DDX4: variants seen among roughly 807,000 people sequenced by gnomAD.
DDX4 encodes the protein DEAD-box helicase 4.
A neutral mutation model predicts 100.0 loss-of-function variants in DDX4; 25 were observed. The ratio of observed to expected loss-of-function variants is 0.25; its 90% CI spans 0.18 to 0.35. The LOEUF (loss-of-function observed/expected upper bound fraction) is 0.35, where lower values mean the gene tolerates loss of function less well. DDX4 is among the 10% of genes least tolerant of loss of function. The pLI is 1.00. For synonymous variants in DDX4, 259 were observed against 275.7 expected (o/e 0.94, Z 0.60); for missense variants, 635 against 882.4 (o/e 0.72, Z 3.55).
chr5:55,769,536 A>G (rs999197922), intron 7 of DDX4, among the ~76,000 whole-genome samples: 2 of 152,190 alleles, frequency 1.3e-5, no homozygotes, highest in African/African-American at 2.4e-5. Context: ...GAATTTCAGG[A>G]TACAAAATCA....
chr5:55,793,686 T>C (rs1210668937), intron 17 of DDX4, among the ~76,000 whole-genome samples: 2 of 152,218 alleles, frequency 1.3e-5, no homozygotes, highest in South Asian at 2.1e-4. Context: ...GTGCTTGCTC[T>C]CCTGGATTCC....
chr5:55,795,600 T>C (rs1291645659), intron 17 of DDX4, among the ~76,000 whole-genome samples: 1 of 152,154 alleles, frequency 6.6e-6, no homozygotes, highest in Non-Finnish European at 1.5e-5. Context: ...TGAGACCCTG[T>C]CTCTATAAAA....
At chr5:55,751,566 C>T (rs1759554272) in intron 3 of DDX4, among the ~76,000 whole-genome samples, 1 of 152,214 alleles carries the variant, frequency 6.6e-6, no homozygotes, top group Non-Finnish European at 1.5e-5. Context: ...ATCTGACTGT[C>T]TCTTCATATA....
intron 16 of DDX4, among the ~76,000 whole-genome samples, chr5:55,791,878 G>A (rs568381086): frequency 4.6e-5 from 7 of 152,190 alleles, no homozygotes; most frequent in Non-Finnish European, 4.4e-5. Flanking sequence ...TTGGGAAGCC[G>A]AGGCAGGCAT....
At chr5:55,815,871 A>AAACAATT (rs1251690005) in intron 21 of DDX4, among the ~76,000 whole-genome samples, 13 of 150,696 alleles carry the variant, frequency 8.6e-5, no homozygotes, top group Admixed American at 2.0e-4. Context: ...TCCCAGGTTC[A>AAACAATT]AACAATTCTC....
chr5:55,762,685 A>G (rs970072390), intron 4 of DDX4, among the ~76,000 whole-genome samples: 22 of 152,182 alleles, frequency 1.4e-4, no homozygotes, highest in African/African-American at 5.3e-4. Flanking sequence ...TGGGGAGGCC[A>G]GGAGGGGAGT....
chr5:55,797,346 T>C (rs1258272291), intron 17 of DDX4, among the ~76,000 whole-genome samples: 1 of 152,210 alleles, frequency 6.6e-6, no homozygotes, highest in Non-Finnish European at 1.5e-5. Context: ...AACACCATCA[T>C]GTTCATCTTT....
chr5:55,753,831 A>C (rs1415556241), intron 3 of DDX4, among the ~76,000 whole-genome samples: 2 of 129,718 alleles, frequency 1.5e-5, no homozygotes, highest in African/African-American at 5.9e-5. Context: ...ATTTGTTTGT[A>C]TCCTCTTTTA....
chr5:55,741,491 T>A (rs1358122519), intron 2 of DDX4, among the ~76,000 whole-genome samples: 2 of 152,098 alleles, frequency 1.3e-5, no homozygotes, highest in African/African-American at 4.8e-5. Context: ...CTAGGTTGAA[T>A]AAAAAGTGCA....
At chr5:55,815,945 T>G (rs1386228128) in intron 21 of DDX4, among the ~76,000 whole-genome samples, 1 of 148,496 alleles carries the variant, frequency 6.7e-6, no homozygotes, top group Non-Finnish European at 1.5e-5. Context: ...TGGTTTTTTT[T>G]TTTTTTTTTT....
chr5:55,783,661 G>GGAT (rs781260727), intron 10 of DDX4, among the ~76,000 whole-genome samples: 1 of 136,954 alleles, frequency 7.3e-6, no homozygotes, highest in African/African-American at 2.7e-5. Flanking sequence ...ATGGATGGAT[G>GGAT]GATGGATGGA....
At chr5:55,805,296 C>T (rs1160766430) in intron 18 of DDX4, among the ~76,000 whole-genome samples, 1 of 151,954 alleles carries the variant, frequency 6.6e-6, no homozygotes, top group East Asian at 1.9e-4. Context: ...TCCTCTTTTC[C>T]TAATTGAATA....
rs147228371 is a variant in DDX4, at chr5:55,787,085, G to A, written c.1017+415G>A. 9.1e-4 allele frequency among the ~76,000 whole-genome samples: 138 copies of A among 152,196 alleles called. No homozygotes were observed. The Middle Eastern group carries it at 0.01, about 11-fold the overall frequency. ...ATTCCTTAGTATTCAGTGACCTCAGGTTATGCTAATTATAAAAGAAGTCTG... is the reference window on the plus strand; with the variant it reads ...ATTCCTTAGTATTCAGTGACCTCAGATTATGCTAATTATAAAAGAAGTCTG... On this transcript the variant is annotated intron_variant, in intron 14 of 21. Coordinates refer to ENST00000505374, the MANE Select transcript of DDX4 (RefSeq NM_024415.3).
intron 16 of DDX4, 34 bp from the exon 17 acceptor site, chr5:55,792,607 A>G (rs1005879104): frequency 1.7e-6 from 2 of 1,206,098 alleles, no homozygotes; most frequent in Non-Finnish European, 2.2e-6. Flanking sequence ...ACTAATATGC[A>G]TTTTCTGTTT....
At chr5:55,789,050 C>T (rs1372412847) in intron 15 of DDX4, among the ~76,000 whole-genome samples, 2 of 152,038 alleles carry the variant, frequency 1.3e-5, no homozygotes, top group African/African-American at 4.8e-5. Context: ...GACAGTGAGA[C>T]CTTGACTTAT....
intron 18 of DDX4, among the ~76,000 whole-genome samples, chr5:55,803,352 T>C (rs1411074599): frequency 6.6e-6 from 1 of 150,784 alleles, no homozygotes; most frequent in Non-Finnish European, 1.5e-5. Flanking sequence ...TACTTTAAGT[T>C]TTAGGGTACA....
rs1465948060 is a variant in DDX4 at position 55,767,797 on chromosome 5, T to C, written c.335-84T>C. ...TGAAAATATTTTGTCTTCTTACTAA[T>C]TTATCTTGTGACAGTGCTATTCTTT... On this transcript the variant is annotated intron_variant, in intron 6 of 21. Transcript: ENST00000505374. 1.6e-5 allele frequency: 15 copies of C among 949,566 alleles called. No individual in the cohort carries two copies. In the East Asian group the frequency reaches 3.8e-4, roughly 24 times the overall value. The allele number at this position is 949,566 out of a possible 1,614,324, so 58.8% of individuals were successfully genotyped here.
intron 18 of DDX4, among the ~76,000 whole-genome samples, chr5:55,809,258 G>A (rs201210329): frequency 9.1e-4 from 138 of 152,276 alleles, no homozygotes; most frequent in East Asian, 2.9e-3. Context: ...GACCCCTTGC[G>A]CTTCCCAGGT....
chr5:55,811,054 C>A, intron 18 of DDX4, among the ~76,000 whole-genome samples: 1 of 147,270 alleles, frequency 6.8e-6, no homozygotes. Flanking sequence ...CTAATAAAGT[C>A]AACAGAATCT....
Sources: gnomAD v4.1 joint callset for allele counts (sites outside exome capture counted in the v4.1 genomes callset) on GRCh38, gnomAD v4.1.1 for gene constraint, MANE v1.5 for transcripts, NCBI Gene and HGNC (gene_info 2026-07-23, HGNC 2026-07-21) for gene names.